Variants in GDA observed in about 807,000 individuals in gnomAD.
GDA encodes the protein guanine deaminase.
Under a neutral mutation model 59.6 loss-of-function variants are expected in GDA, and 18 were observed. That is an observed-to-expected ratio of 0.30 (90% CI 0.21 to 0.45). GDA has a LOEUF of 0.45. GDA is among the 20% of genes least tolerant of loss of function. GDA has a pLI of 1.00. For missense variants in GDA, 427 were observed against 552.3 expected, an observed-to-expected ratio of 0.77 and a Z score of 2.27; for synonymous variants, 201 against 201.1, an observed-to-expected ratio of 1.00 and a Z score of 0.00.
chr9:72,133,297 A>AT (rs1826093226), intron 1 of GDA, among the ~76,000 whole-genome samples: 1 of 131,076 alleles, frequency 7.6e-6, no homozygotes. Flanking sequence ...TAAAAAAAAA[A>AT]AAAAAAAAAA....
chr9:72,150,736 C>A (rs1390776782), intron 1 of GDA, among the ~76,000 whole-genome samples: 1 of 152,138 alleles, frequency 6.6e-6, no homozygotes, highest in East Asian at 1.9e-4. Context: ...GTGACTCTTA[C>A]ATTTGGGGGT....
At chr9:72,248,006 A>G (rs1214576049) in intron 13 of GDA, among the ~76,000 whole-genome samples, 1 of 152,136 alleles carries the variant, frequency 6.6e-6, no homozygotes, top group Non-Finnish European at 1.5e-5. Flanking sequence ...TTCAGCTGAG[A>G]AAGGACAGCT....
chr9:72,190,249 C>T (rs1475866210), intron 1 of GDA, among the ~76,000 whole-genome samples: 1 of 152,128 alleles, frequency 6.6e-6, no homozygotes, highest in Non-Finnish European at 1.5e-5. Flanking sequence ...GCCTCAGCCT[C>T]CCAAGTAGCT....
At position 72,193,158 on chromosome 9, in the gene GDA, AT is replaced by A. The variant is rs34139960; in HGVS notation, c.124-2332del. On this transcript the variant is annotated intron_variant, in intron 1 of 13. Coordinates refer to ENST00000358399, the MANE Select transcript of GDA (RefSeq NM_004293.5). The stretch of plus-strand genomic sequence containing the variant: ...TTTATTTAGTTCATTTGGTTAGGTC[AT>A]TTTTTTTTTCCTGGAATGTCTTGAT... 9.4e-5 allele frequency among the ~76,000 whole-genome samples: 14 copies of A among 148,850 alleles called. No homozygotes were observed. The South Asian group carries it at 2.1e-3, about 22-fold the overall frequency.
At chr9:72,123,471 C>T (rs949632880) in intron 1 of GDA, among the ~76,000 whole-genome samples, 1 of 145,382 alleles carries the variant, frequency 6.9e-6, no homozygotes, top group Non-Finnish European at 1.5e-5. Flanking sequence ...GCGTAAGCCA[C>T]CATGCCCGGC....
intron 2 of GDA, 96 bp from the exon 3 acceptor site, chr9:72,202,475 A>G (rs894284449): frequency 1.3e-6 from 1 of 773,636 alleles, no homozygotes; most frequent in African/African-American, 1.8e-5. Flanking sequence ...TGTGTGGGTG[A>G]ACAGTGAAAT....
chr9:72,191,494 C>T (rs1415405289), intron 1 of GDA, among the ~76,000 whole-genome samples: 5 of 144,866 alleles, frequency 3.5e-5, no homozygotes, highest in East Asian at 2.0e-4. Context: ...TTTTTTGAGA[C>T]GGAGTCTTGC....
intron 1 of GDA, among the ~76,000 whole-genome samples, chr9:72,194,530 G>T (rs1249107183): frequency 6.6e-6 from 1 of 152,108 alleles, no homozygotes; most frequent in Non-Finnish European, 1.5e-5. Flanking sequence ...CTCCTCGAGT[G>T]GAAGGAAGGA....
At chr9:72,137,483 T>C (rs1164654227) in intron 1 of GDA, among the ~76,000 whole-genome samples, 1 of 152,008 alleles carries the variant, frequency 6.6e-6, no homozygotes. Context: ...CCTGACCTTG[T>C]GATGTGCCCG....
intron 6 of GDA, among the ~76,000 whole-genome samples, chr9:72,222,056 T>G (rs1456845212): frequency 6.6e-6 from 1 of 152,236 alleles, no homozygotes; most frequent in African/African-American, 2.4e-5. Context: ...AATGATTTAT[T>G]TCCTTTTGGT....
chr9:72,115,312 T>C (rs1280781823), intron 1 of GDA, among the ~76,000 whole-genome samples: 2 of 152,224 alleles, frequency 1.3e-5, no homozygotes, highest in Non-Finnish European at 2.9e-5. Context: ...AATCCAATGA[T>C]ATACGGATTT....
chr9:72,130,167 C>T (rs1825978159), intron 1 of GDA, among the ~76,000 whole-genome samples: 1 of 152,152 alleles, frequency 6.6e-6, no homozygotes, highest in Non-Finnish European at 1.5e-5. Context: ...GAGGTCATCA[C>T]CTTTCTGAAA....
At chr9:72,152,227 G>A (rs1015468572) in intron 1 of GDA, among the ~76,000 whole-genome samples, 2 of 152,274 alleles carry the variant, frequency 1.3e-5, no homozygotes, top group South Asian at 2.1e-4. Flanking sequence ...GAATCTCAGC[G>A]AGAGGGCACA....
At chr9:72,125,391 T>C (rs947237000) in intron 1 of GDA, among the ~76,000 whole-genome samples, 3 of 140,506 alleles carry the variant, frequency 2.1e-5, no homozygotes, top group Non-Finnish European at 4.6e-5. Flanking sequence ...GATCTCGCTC[T>C]GTCACTCAGG....
In GDA at chr9:72,250,402, G is replaced by A. The variant is rs1354295883; in HGVS notation, c.*2060G>A. 1.7e-6 allele frequency: 2 copies of A among 1,148,582 alleles called. No individual in the cohort carries two copies. The highest frequency in any genetic ancestry group is 6.3e-5 in the East Asian group (1 of 15,914). 71.1% of individuals were successfully genotyped at this position (1,148,582 alleles called of 1,614,324 possible). On this transcript the variant is annotated 3_prime_UTR_variant, in exon 14 of 14. Transcript: ENST00000358399. The stretch of plus-strand genomic sequence containing the variant: ...TGTAGCATCAGAAGCAGTAGGAATG[G>A]CCGTATACAACCATCCTGTTAAACA...
In GDA at chr9:72,177,011, A is replaced by C. The variant is rs557675389; in HGVS notation, c.124-18489A>C. Among the ~76,000 whole-genome samples the C allele has an allele frequency of 1.4e-4, 21 of 152,224 alleles. 1 individual carries two copies. The highest frequency in any genetic ancestry group is 5.1e-4 in the African/African-American group (21 of 41,568). ...CACTTTGCGTAATAGTGGAGGACTG[A>C]AAAATGACTGTGAAACCTGAAATAA... On this transcript the variant is annotated intron_variant, in intron 1 of 13. Coordinates refer to ENST00000358399, the MANE Select transcript of GDA (RefSeq NM_004293.5).
At position 72,223,221 on chromosome 9, in the gene GDA, C is replaced by A. The variant is rs760762182; in HGVS notation, c.708C>A (p.His236Gln). ...ACATTGCTAAAACCCGTGATTTGCA[C>A]ATTCAGGTGGGTATTCTTCTTCTCT... ...LGNIAKTRDL[H>Q]IQSHISENRD... The change falls in exon 7 of 14, where the codon CAC becomes CAA. Residue 236 changes from histidine to glutamine, a missense_variant. By Grantham distance (24) the His-to-Gln change is conservative. Coordinates refer to ENST00000358399, the MANE Select transcript of GDA (RefSeq NM_004293.5). The A allele has an allele frequency of 1.3e-6, 2 of 1,587,664 alleles. No individual in the cohort carries two copies. Among genetic ancestry groups the A allele is most frequent in the Non-Finnish European group, 1.7e-6 (2 of 1,156,106 alleles).
intron 4 of GDA, among the ~76,000 whole-genome samples, chr9:72,211,355 C>T (rs1835337769): frequency 6.6e-6 from 1 of 152,204 alleles, no homozygotes; most frequent in Admixed American, 6.5e-5. Flanking sequence ...GAAGTGGTTA[C>T]TGATGTCCTC....
At position 72,140,583 on chromosome 9, in the gene GDA, G is replaced by A. The variant is rs1443919194; in HGVS notation, c.-100+25750G>A. Among the ~76,000 whole-genome samples, 3 of 152,068 alleles carry A rather than the reference G, an allele frequency of 2.0e-5. No individual in the cohort carries two copies. The East Asian group carries it at 5.8e-4, about 29-fold the overall frequency. ...TTGATTGATTTTGTAATCAATCTTA[G>A]GATGACATGAGGAATGGGTAAAAAT... On this transcript the variant is annotated intron_variant, in intron 1 of 13. Transcript: ENST00000545168.
Sources: gnomAD v4.1 joint callset for allele counts (sites outside exome capture counted in the v4.1 genomes callset) on GRCh38, gnomAD v4.1.1 for gene constraint, MANE v1.5 for transcripts, NCBI Gene and HGNC (gene_info 2026-07-23, HGNC 2026-07-21) for gene names.